The following RAP1GAP2 variants were observed in gnomAD, a reference collection of about 807,000 sequenced individuals.
RAP1GAP2 encodes RAP1 GTPase activating protein 2, also known as rap1 GTPase-activating protein 2.
In RAP1GAP2, 27 loss-of-function variants were observed where a neutral mutation model predicts 95.0. The observed-to-expected ratio is 0.28, with a 90% CI of 0.21 to 0.39. The LOEUF (loss-of-function observed/expected upper bound fraction) is 0.39, where lower values mean the gene tolerates loss of function less well. Ranked by LOEUF, RAP1GAP2 falls within the 10% of genes least tolerant of loss-of-function variation. The pLI is 1.00. For missense variants in RAP1GAP2, 771 were observed against 970.0 expected (o/e 0.79, Z 2.72); for synonymous variants, 373 against 380.9 (o/e 0.98, Z 0.24).
intron 2 of RAP1GAP2, among the ~76,000 whole-genome samples, chr17:2,841,759 A>G (rs2071382341): frequency 6.6e-6 from 1 of 152,162 alleles, no homozygotes; most frequent in Non-Finnish European, 1.5e-5. Flanking sequence ...CCTTAAGACA[A>G]GGAACAGGAA....
At chr17:2,918,903 A>G (rs1278687721) in intron 3 of RAP1GAP2, among the ~76,000 whole-genome samples, 2 of 152,202 alleles carry the variant, frequency 1.3e-5, no homozygotes, top group African/African-American at 2.4e-5. Flanking sequence ...AGAGGTATGC[A>G]GTAAGTGCTA....
intron 3 of RAP1GAP2, among the ~76,000 whole-genome samples, chr17:2,921,007 C>T (rs776966438): frequency 1.3e-5 from 2 of 152,038 alleles, no homozygotes; most frequent in African/African-American, 2.4e-5. Context: ...AGATCTGTGC[C>T]TCAGTGGGTT....
chr17:2,835,008 C>T (rs886540654), intron 2 of RAP1GAP2, among the ~76,000 whole-genome samples: 2 of 152,040 alleles, frequency 1.3e-5, no homozygotes, highest in South Asian at 4.2e-4. Context: ...CACACTCCAC[C>T]TCCCAGGTTC....
At chr17:2,880,071 A>T (rs1412627599) in intron 2 of RAP1GAP2, among the ~76,000 whole-genome samples, 1 of 151,974 alleles carries the variant, frequency 6.6e-6, no homozygotes, top group Non-Finnish European at 1.5e-5. Flanking sequence ...AGGGGCTGGG[A>T]GCAGGGGGCT....
chr17:2,808,981 G>T (rs1383296422), intron 2 of RAP1GAP2, among the ~76,000 whole-genome samples: 1 of 152,198 alleles, frequency 6.6e-6, no homozygotes, highest in Non-Finnish European at 1.5e-5. Context: ...GTGCGTGGCT[G>T]CAGGGAGAAG....
chr17:2,887,384 T>A (rs1338666551), intron 2 of RAP1GAP2, among the ~76,000 whole-genome samples: 1 of 151,794 alleles, frequency 6.6e-6, no homozygotes, highest in Non-Finnish European at 1.5e-5. Context: ...TACCTTTTTT[T>A]TTTTTTTAAG....
rs1168060927 is a variant in RAP1GAP2 at position 2,799,433 on chromosome 17, C to T, written c.45-1082C>T. ...AGGACCCCGTCCCCTAGCTCCAGGC[C>T]TCAGGGTGACTTGTGGGCTGGCTCA... On this transcript the variant is annotated intron_variant, in intron 1 of 24. Transcript: ENST00000254695. Among the ~76,000 whole-genome samples, 3 of 152,264 alleles carry T rather than the reference C, an allele frequency of 2.0e-5. No homozygotes were observed. The East Asian group carries it at 5.8e-4, about 29-fold the overall frequency.
At chr17:2,936,540 AG>A (rs1182882464) in intron 3 of RAP1GAP2, among the ~76,000 whole-genome samples, 4 of 151,908 alleles carry the variant, frequency 2.6e-5, no homozygotes. Flanking sequence ...TGGCTTTGCT[AG>A]TAACAGGCTG....
chr17:2,999,417 CA>C (rs2046078150), intron 14 of RAP1GAP2, among the ~76,000 whole-genome samples: 1 of 152,150 alleles, frequency 6.6e-6, no homozygotes, highest in Admixed American at 6.5e-5. Flanking sequence ...AAAGAGAGGC[CA>C]TACCTTAAAT....
At chr17:2,832,370 A>G (rs980563576) in intron 2 of RAP1GAP2, among the ~76,000 whole-genome samples, 1 of 151,014 alleles carries the variant, frequency 6.6e-6, no homozygotes, top group South Asian at 2.1e-4. Flanking sequence ...CATCCTGGCT[A>G]AAACGGTGAA....
rs1219685380 is a variant in RAP1GAP2, at chr17:3,026,135, G to T, written c.1865+14G>T. ...CAACAAGGAGAAGTAAGAGAGTGAG[G>T]GTGGGAAAGGCCAGCTTCGGCCACG... On this transcript the variant is annotated intron_variant, in intron 20 of 24. Coordinates refer to ENST00000254695, the MANE Select transcript of RAP1GAP2 (RefSeq NM_015085.5). The T allele has an allele frequency of 6.3e-7, 1 of 1,593,320 alleles. No homozygotes were observed. The highest frequency in any genetic ancestry group is 1.7e-5 in the Admixed American group (1 of 59,848).
At chr17:2,917,850 AG>A (rs2042619897) in intron 3 of RAP1GAP2, among the ~76,000 whole-genome samples, 1 of 151,340 alleles carries the variant, frequency 6.6e-6, no homozygotes, top group Admixed American at 6.6e-5. Context: ...CAAGTAGCTG[AG>A]ATTACAAGCA....
intron 2 of RAP1GAP2, among the ~76,000 whole-genome samples, chr17:2,818,135 C>G (rs2070113560): frequency 1.3e-5 from 2 of 151,974 alleles, no homozygotes; most frequent in African/African-American, 4.8e-5. Context: ...TGCGCCCGGC[C>G]TCTATGTTTA....
chr17:2,988,341 G>C (rs930738084), intron 11 of RAP1GAP2, among the ~76,000 whole-genome samples: 1 of 152,078 alleles, frequency 6.6e-6, no homozygotes. Context: ...CTGACAAAAC[G>C]ATAGCACAAT....
chr17:2,765,465 C>T (rs553144000), intron 1 of RAP1GAP2, among the ~76,000 whole-genome samples: 1 of 152,086 alleles, frequency 6.6e-6, no homozygotes, highest in African/African-American at 2.4e-5. Context: ...ACAGAGAGGG[C>T]GCGGTGGCTC....
At chr17:2,893,536 A>T (rs2073786943) in intron 2 of RAP1GAP2, among the ~76,000 whole-genome samples, 1 of 152,254 alleles carries the variant, frequency 6.6e-6, no homozygotes, top group Admixed American at 6.5e-5. Flanking sequence ...ATCCACACTG[A>T]ATGAATCATA....
At chr17:2,877,836 G>C (rs1364453541) in intron 2 of RAP1GAP2, among the ~76,000 whole-genome samples, 1 of 152,140 alleles carries the variant, frequency 6.6e-6, no homozygotes, top group East Asian at 1.9e-4. Context: ...CCTTAGATAG[G>C]GGGCTCATAT....
intron 3 of RAP1GAP2, among the ~76,000 whole-genome samples, chr17:2,910,953 C>A (rs1174496902): frequency 2.6e-5 from 4 of 152,216 alleles, no homozygotes; most frequent in African/African-American, 9.6e-5. Context: ...CCAGCCTTGG[C>A]CTCCCAAAGT....
chr17:2,825,864 C>A lies in RAP1GAP2; in HGVS notation c.80+25314C>A, dbSNP rs542503076. On this transcript the variant is annotated intron_variant, in intron 2 of 24. Coordinates refer to ENST00000254695, the MANE Select transcript of RAP1GAP2 (RefSeq NM_015085.5). This position sits in a 1 kb window ranked among gnomAD's most constrained non-coding sequence, Gnocchi z 4.1. ...ATGAGGCAGTGCCAATAGAGATATT[C>A]TTCCTGGTGGAATGAGGGAAGGCTT... Among the ~76,000 whole-genome samples, 1 of 152,202 alleles carries A rather than the reference C, an allele frequency of 6.6e-6. No homozygotes were observed. Among genetic ancestry groups the A allele is most frequent in the African/African-American group, 2.4e-5 (1 of 41,544 alleles).
Sources: gnomAD v4.1 joint callset for allele counts (sites outside exome capture counted in the v4.1 genomes callset) on GRCh38, gnomAD v4.1.1 for gene constraint, Gnocchi (gnomAD v3.1) non-coding constraint, MANE v1.5 for transcripts, NCBI Gene and HGNC (gene_info 2026-07-23, HGNC 2026-07-21) for gene names.